Variants in KLRG1 observed in about 807,000 individuals in gnomAD.
The protein encoded by KLRG1 is killer cell lectin like receptor G1, also known as killer cell lectin-like receptor subfamily G member 1.
In KLRG1, 16 loss-of-function variants were observed where a neutral mutation model predicts 21.8. The observed-to-expected ratio is 0.73, with a 90% confidence interval of 0.50 to 1.11. The LOEUF (loss-of-function observed/expected upper bound fraction) is 1.11. Ranked by LOEUF, KLRG1 falls within the 50% of genes most tolerant of loss-of-function variation. KLRG1 has a pLI of 0.00. For synonymous variants in KLRG1, 69 were observed against 75.9 expected, an observed-to-expected ratio of 0.91 and a Z score of 0.47; for missense variants, 173 against 218.3, an observed-to-expected ratio of 0.79 and a Z score of 1.31.
chr12:9,101,648 A>G, the KLRG1 span: 1 of 1,613,750 alleles, frequency 6.2e-7, no homozygotes, highest in Non-Finnish European at 8.5e-7. Context: ...GGTAGCCGTA[A>G]CAGGGACTAC....
chr12:9,107,684 T>C, the KLRG1 span: 790,028 of 1,602,942 alleles, frequency 0.49, 202,512 homozygotes, highest in African/African-American at 0.76. Context: ...GAGCAGACAC[T>C]GAACCTCCCC....
chr12:9,110,072 C>G, the KLRG1 span: 1 of 1,576,806 alleles, frequency 6.3e-7, no homozygotes, highest in Non-Finnish European at 8.6e-7. Flanking sequence ...ACAAAAGCAC[C>G]TGGAGCATTG....
chr12:8,971,538 T>C (rs1044310421), intron 1 of KLRG1, among the ~76,000 whole-genome samples: 2 of 152,112 alleles, frequency 1.3e-5, no homozygotes, highest in Admixed American at 6.6e-5. Flanking sequence ...CAGGCTGGAG[T>C]GCAGCAGCTC....
the KLRG1 span, among the ~76,000 whole-genome samples, chr12:9,129,738 C>A: frequency 3.1e-4 from 47 of 152,238 alleles, no homozygotes; most frequent in African/African-American, 1.1e-3. Context: ...TTAGTAGAGA[C>A]GGGATTTCAC....
chr12:9,001,240 A>T (rs905826858), intron 3 of KLRG1, among the ~76,000 whole-genome samples: 2 of 152,146 alleles, frequency 1.3e-5, no homozygotes, highest in Non-Finnish European at 2.9e-5. Context: ...TGTATTGTAA[A>T]TTTTTTTCAA....
chr12:9,208,046 G>A, the KLRG1 span, among the ~76,000 whole-genome samples: 15 of 152,160 alleles, frequency 9.9e-5, no homozygotes, highest in Non-Finnish European at 1.3e-4. Flanking sequence ...GTGACTAATC[G>A]TATTTATGAC....
the KLRG1 span, chr12:9,194,076 CCCGGACA>C: frequency 1.2e-6 from 2 of 1,611,896 alleles, no homozygotes; most frequent in African/African-American, 2.7e-5. Flanking sequence ...TCTATACTTA[CCCGGACA>C]AAAAGTTTAT....
chr12:9,033,231 G>A, the KLRG1 span, among the ~76,000 whole-genome samples: 1 of 152,222 alleles, frequency 6.6e-6, no homozygotes. Flanking sequence ...GAGCTTAGGA[G>A]TTCAAGACTG....
the KLRG1 span, chr12:9,099,554 T>G: frequency 1.9e-6 from 3 of 1,589,306 alleles, no homozygotes; most frequent in Admixed American, 5.3e-5. Flanking sequence ...GAGGAAGCCA[T>G]CATAGGTTAA....
At chr12:8,989,179 C>T (rs545865629), upstream of KLRG1, among the ~76,000 whole-genome samples, 4 of 152,232 alleles carry the variant, frequency 2.6e-5, no homozygotes, top group Non-Finnish European at 4.4e-5. Context: ...CAGTCCATTT[C>T]GTTATTGCTT....
the KLRG1 span, among the ~76,000 whole-genome samples, chr12:9,051,826 A>G: frequency 1.3e-5 from 2 of 152,196 alleles, no homozygotes; most frequent in African/African-American, 4.8e-5. Context: ...CATAGGCCCC[A>G]ATTGAGAACT....
chr12:9,092,054 G>A, the KLRG1 span, among the ~76,000 whole-genome samples: 2 of 152,132 alleles, frequency 1.3e-5, no homozygotes, highest in Non-Finnish European at 1.5e-5. Flanking sequence ...GAAGGGCTTC[G>A]TCTACCCACT....
At chr12:9,033,048 CAG>C in the KLRG1 span, among the ~76,000 whole-genome samples, 708 of 152,302 alleles carry the variant, frequency 4.6e-3, 9 homozygotes, top group African/African-American at 0.016. Context: ...GCCGTAGTCT[CAG>C]TGAATTGATT....
At chr12:9,099,670 C>T in the KLRG1 span, 2 of 945,528 alleles carry the variant, frequency 2.1e-6, no homozygotes, top group Non-Finnish European at 3.1e-6. Flanking sequence ...CTATCAAAGC[C>T]CTCTCTCCTC....
At chr12:9,112,482 C>A in the KLRG1 span, 1 of 1,613,694 alleles carries the variant, frequency 6.2e-7, no homozygotes, top group Admixed American at 1.7e-5. Context: ...TGGGTTGGTC[C>A]TTTCACTTGG....
At chr12:9,051,117 C>G in the KLRG1 span, among the ~76,000 whole-genome samples, 2 of 152,226 alleles carry the variant, frequency 1.3e-5, no homozygotes, top group Non-Finnish European at 2.9e-5. Context: ...CCAATCGGCA[C>G]ACACTTCCTC....
chr12:9,139,957 T>C, the KLRG1 span, among the ~76,000 whole-genome samples: 2 of 152,118 alleles, frequency 1.3e-5, no homozygotes, highest in South Asian at 2.1e-4. Context: ...GAGAAGTTTA[T>C]TGTGGGGTTG....
chr12:9,101,512 G>A, the KLRG1 span: 1 of 1,613,906 alleles, frequency 6.2e-7, no homozygotes, highest in Non-Finnish European at 8.5e-7. Flanking sequence ...TAATGTGCCT[G>A]GACTGTCTGA....
At chr12:8,951,944 C>G (rs955146150) in intron 1 of KLRG1, among the ~76,000 whole-genome samples, 20 of 152,166 alleles carry the variant, frequency 1.3e-4, no homozygotes, top group African/African-American at 4.6e-4. Context: ...CGACCAGAGG[C>G]AAACAACCTG....
Sources: gnomAD v4.1 joint callset for allele counts (sites outside exome capture counted in the v4.1 genomes callset) on GRCh38, gnomAD v4.1.1 for gene constraint, MANE v1.5 for transcripts, NCBI Gene and HGNC (gene_info 2026-07-23, HGNC 2026-07-21) for gene names.